The following PMPCA variants were observed in gnomAD, a reference collection of about 807,000 sequenced individuals.
PMPCA encodes peptidase, mitochondrial processing subunit alpha.
Under a neutral mutation model 59.3 loss-of-function variants are expected in PMPCA, and 47 were observed. That is an observed-to-expected ratio of 0.79 (90% CI 0.63 to 1.01). The LOEUF (loss-of-function observed/expected upper bound fraction) is 1.01. PMPCA is among the 50% of genes least tolerant of loss of function. PMPCA has a pLI of 0.00. For missense variants in PMPCA, 726 were observed against 704.5 expected (o/e 1.03, Z -0.34); for synonymous variants, 338 against 290.3 (o/e 1.16, Z -1.67).
intron 7 of PMPCA, among the ~76,000 whole-genome samples, chr9:136,417,723 G>A (rs1437482933): frequency 1.3e-5 from 2 of 151,848 alleles, no homozygotes; most frequent in Admixed American, 6.6e-5. Context: ...CAAAATGCTG[G>A]GATTACAGGC....
At chr9:136,422,349 C>A in intron 12 of PMPCA, 1 of 1,143,968 alleles carries the variant, frequency 8.7e-7, no homozygotes, top group South Asian at 2.0e-5. Flanking sequence ...GCCGCTGTAC[C>A]GTTGCTGGCT....
chr9:136,420,335 T>C (rs1031319747), intron 11 of PMPCA: 3 of 151,784 alleles, frequency 2.0e-5, no homozygotes, highest in African/African-American at 4.8e-5. Flanking sequence ...ACCTGGCTAA[T>C]TTTTTGTATT....
intron 7 of PMPCA, 150 bp downstream of exon 7, chr9:136,417,364 C>T (rs867527410): frequency 1.7e-6 from 1 of 602,204 alleles, no homozygotes; most frequent in Non-Finnish European, 2.8e-6. Flanking sequence ...CACAGCAGGG[C>T]ATGGACTGTG....
intron 4 of PMPCA, among the ~76,000 whole-genome samples, chr9:136,413,859 C>T (rs985021199): frequency 3.9e-5 from 6 of 152,244 alleles, no homozygotes; most frequent in Non-Finnish European, 8.8e-5. Context: ...GTCCCCTCTT[C>T]AGAGGCACTG....
intron 7 of PMPCA, among the ~76,000 whole-genome samples, chr9:136,417,773 T>C (rs955233016): frequency 1.3e-5 from 1 of 77,708 alleles, no homozygotes; most frequent in Non-Finnish European, 2.9e-5. Context: ...ATACATATGT[T>C]TTTTTTTTTT....
Position 136,412,793 on chromosome 9 carries a change from T to A in PMPCA, c.355-17T>A. ...GCCTGGATTGCTTATTTAGGTTTCC[T>A]TATTTATTTTTACTAGTCTACTGCT... On this transcript the variant is annotated splice_polypyrimidine_tract_variant and intron_variant, in intron 3 of 12. Coordinates refer to ENST00000371717, the MANE Select transcript of PMPCA (RefSeq NM_015160.3). 6.6e-7 allele frequency: 1 copy of A among 1,508,650 alleles called. No homozygotes were observed. The highest frequency in any genetic ancestry group is 9.2e-7 in the Non-Finnish European group (1 of 1,084,632). 93.5% of individuals were successfully genotyped at this position (1,508,650 alleles called of 1,614,324 possible).
chr9:136,412,142 G>C lies in PMPCA; in HGVS notation c.217G>C (p.Asp73His). The change falls in exon 2 of 13, where the codon GAT becomes CAT. Residue 73 changes from aspartate (D) to histidine (H), a missense_variant. Transcript: ENST00000371717. ...EKFETKVTTLDNGLRVASQNK... is the reference protein window; with the variant it reads ...EKFETKVTTLHNGLRVASQNK... ...GTTTGAAACCAAAGTAACCACATTG[G>C]ATAATGGGCTTCGCGTGGCATCTCA... The C allele has an allele frequency of 6.2e-7, 1 of 1,614,116 alleles. No individual in the cohort carries two copies. Among genetic ancestry groups the C allele is most frequent in the African/African-American group, 1.3e-5 (1 of 75,048 alleles).
At chr9:136,415,574 A>G (rs955785929) in intron 5 of PMPCA, among the ~76,000 whole-genome samples, 2 of 152,266 alleles carry the variant, frequency 1.3e-5, no homozygotes, top group Non-Finnish European at 2.9e-5. Context: ...CAAAGGCTAC[A>G]GTCCCACGTT....
chr9:136,422,429 G>C, intron 12 of PMPCA: 5 of 1,082,398 alleles, frequency 4.6e-6, no homozygotes, highest in Non-Finnish European at 5.7e-6. Flanking sequence ...TGAATTTCCT[G>C]AAACTGCCAA....
chr9:136,414,973 A>C (rs993459752), intron 5 of PMPCA, among the ~76,000 whole-genome samples: 1 of 152,216 alleles, frequency 6.6e-6, no homozygotes, highest in East Asian at 1.9e-4. Context: ...TTAGAGTCCT[A>C]GCTACTCGGG....
intron 4 of PMPCA, 82 bp downstream of exon 4, chr9:136,412,974 C>A: frequency 1.2e-6 from 1 of 840,952 alleles, no homozygotes; most frequent in Non-Finnish European, 2.0e-6. Flanking sequence ...CCTCTGAGCC[C>A]CTCCCAGCGG....
At position 136,421,921 on chromosome 9, in the gene PMPCA, G is replaced by A. The variant is rs1835463383; in HGVS notation, c.1353G>A (p.Arg451=). ...SRPVIFEDVG[R]QVLATRSRKL... is the part of the protein sequence containing the mutation. ...CTGTGATCTTCGAGGATGTGGGGAG[G>A]CAGGTGCTGGCCACTCGCTCCAGAA... The change falls in exon 12 of 13, where the codon AGG becomes AGA. Residue 451 remains arginine, a synonymous_variant. Transcript: ENST00000371717. 6.2e-7 allele frequency: 1 copy of A among 1,612,458 alleles called. No individual in the cohort carries two copies.
In PMPCA at chr9:136,412,772, G is replaced by A. The variant is rs138908276; in HGVS notation, c.355-38G>A. On this transcript the variant is annotated intron_variant, in intron 3 of 12. Coordinates refer to ENST00000371717, the MANE Select transcript of PMPCA (RefSeq NM_015160.3). The stretch of plus-strand genomic sequence containing the variant: ...AAAAATTGTGTTTCAGGGATAGCCT[G>A]GATTGCTTATTTAGGTTTCCTTATT... 8 of 1,245,312 alleles carry A rather than the reference G, an allele frequency of 6.4e-6. No homozygotes were observed. In the African/African-American group the frequency reaches 7.4e-5, roughly 11 times the overall value. The allele number at this position is 1,245,312 out of a possible 1,614,324, so 77.1% of individuals were successfully genotyped here.
intron 4 of PMPCA, among the ~76,000 whole-genome samples, chr9:136,414,332 C>T (rs1381602073): frequency 1.3e-5 from 2 of 152,064 alleles, no homozygotes; most frequent in Non-Finnish European, 2.9e-5. Context: ...AGGAGGTGTC[C>T]CCTGGCACGC....
At chr9:136,422,608 AG>A (rs1300480499) in intron 12 of PMPCA, 1 of 1,006,294 alleles carries the variant, frequency 9.9e-7, no homozygotes, top group East Asian at 9.9e-5. Context: ...TTCCCTCAGG[AG>A]CCCCCGCTTA....
chr9:136,417,724 G>A (rs1271745566), intron 7 of PMPCA, among the ~76,000 whole-genome samples: 2 of 152,100 alleles, frequency 1.3e-5, no homozygotes, highest in African/African-American at 4.8e-5. Context: ...AAAATGCTGG[G>A]ATTACAGGCG....
chr9:136,410,823 T>G, intron 1 of PMPCA, 84 bp downstream of exon 1: 1 of 1,148,752 alleles, frequency 8.7e-7, no homozygotes, highest in Non-Finnish European at 1.1e-6. Context: ...TTTCTACAGG[T>G]GACATGGCGC....
Position 136,412,489 on chromosome 9 carries a change from G to A in PMPCA, c.275-1G>A. 1 of 1,488,618 alleles carries A rather than the reference G, an allele frequency of 6.7e-7. No individual in the cohort carries two copies. The highest frequency in any genetic ancestry group is 9.3e-7 in the Non-Finnish European group (1 of 1,076,810). 92.2% of individuals were successfully genotyped at this position (1,488,618 alleles called of 1,614,324 possible). A position where few individuals can be genotyped will look rare whatever the true frequency, so the allele number is the denominator to read the frequency against. ...CCTGTCAATTTTCTTTTTACTACTA[G>A]TTCTTATCAATTCAGGATCGAGATA... On this transcript the variant is annotated splice_acceptor_variant, in intron 2 of 12. Transcript: ENST00000371717. LOFTEE classifies it high-confidence loss of function.
At chr9:136,423,009 G>A in intron 12 of PMPCA, 86 bp from the exon 13 acceptor site, 2 of 1,499,098 alleles carry the variant, frequency 1.3e-6, no homozygotes, top group Non-Finnish European at 1.8e-6. Context: ...GTACAGACCA[G>A]CCGCCCCCTC....
Sources: gnomAD v4.1 joint callset for allele counts (sites outside exome capture counted in the v4.1 genomes callset) on GRCh38, gnomAD v4.1.1 for gene constraint, MANE v1.5 for transcripts, NCBI Gene and HGNC (gene_info 2026-07-23, HGNC 2026-07-21) for gene names.